DLC1: variants seen among roughly 807,000 people sequenced by gnomAD.
DLC1 encodes DLC1 Rho GTPase activating protein.
A neutral mutation model predicts 140.3 loss-of-function variants in DLC1; 54 were observed. That is an observed-to-expected ratio of 0.38 (90% CI 0.31 to 0.48). The LOEUF is 0.48. Among genes scored for constraint, DLC1 ranks in the 20% least tolerant of loss-of-function variants. The pLI, the probability that DLC1 is intolerant of heterozygous loss-of-function variation, is 0.96. For missense variants in DLC1, 2,536 were observed against 1,907.0 expected (o/e 1.33, Z -6.14); for synonymous variants, 986 against 728.1 (o/e 1.35, Z -5.70).
In DLC1 at chr8:13,454,328, T is replaced by A. The variant is rs377008072; in HGVS notation, c.1023+44721A>T. ...AATTGATTTTCTTGGTTGAAACATC[T>A]CTTAGGGGAAAAAAAAAGTTCCTGT... is the stretch of plus-strand genomic sequence containing the variant. On this transcript the variant is annotated intron_variant, in intron 2 of 17. Coordinates refer to ENST00000276297, the MANE Select transcript of DLC1 (RefSeq NM_182643.3). 7.2e-5 allele frequency among the ~76,000 whole-genome samples: 11 copies of A among 152,142 alleles called. 1 individual carries two copies. Among genetic ancestry groups the A allele is most frequent in the African/African-American group, 2.4e-4 (10 of 41,492 alleles).
At chr8:13,192,242 TGC>T (rs1411634916) in intron 5 of DLC1, among the ~76,000 whole-genome samples, 1 of 151,390 alleles carries the variant, frequency 6.6e-6, no homozygotes, top group African/African-American at 2.4e-5. Flanking sequence ...TGAGCCACTG[TGC>T]CCAGCCAGCC....
At chr8:13,419,904 C>G (rs1838237651) in intron 2 of DLC1, among the ~76,000 whole-genome samples, 1 of 152,244 alleles carries the variant, frequency 6.6e-6, no homozygotes, top group East Asian at 1.9e-4. Context: ...TGTTATTGGT[C>G]TATTGAGAGA....
chr8:13,534,728 T>C (rs1803213280), intron 1 of DLC1, among the ~76,000 whole-genome samples: 1 of 152,210 alleles, frequency 6.6e-6, no homozygotes, highest in Admixed American at 6.5e-5. Context: ...CTGAAGCCAC[T>C]ACCTTCTGAG....
intron 1 of DLC1, among the ~76,000 whole-genome samples, chr8:13,553,932 C>G (rs1209227764): frequency 2.0e-5 from 3 of 151,964 alleles, no homozygotes; most frequent in Non-Finnish European, 4.4e-5. Flanking sequence ...TACTCTTTGT[C>G]TGCGCCCTTT....
intron 2 of DLC1, among the ~76,000 whole-genome samples, chr8:13,446,739 G>A (rs1025826746): frequency 1.3e-5 from 2 of 152,074 alleles, no homozygotes; most frequent in African/African-American, 2.4e-5. Context: ...TCAGGAGTTC[G>A]AGACCAGCCT....
intron 1 of DLC1, among the ~76,000 whole-genome samples, chr8:13,550,339 TTG>T (rs1389099181): frequency 6.6e-6 from 1 of 152,150 alleles, no homozygotes; most frequent in Non-Finnish European, 1.5e-5. Context: ...TCTGTCATAA[TTG>T]TAAGTTTCCT....
chr8:13,318,095 A>C (rs573039666), intron 4 of DLC1, among the ~76,000 whole-genome samples: 1 of 152,100 alleles, frequency 6.6e-6, no homozygotes, highest in Non-Finnish European at 1.5e-5. Flanking sequence ...TGGTATGATC[A>C]TAGCTCACTG....
Position 13,149,019 on chromosome 8 carries a change from C to T in DLC1, c.1349-33362G>A, listed in dbSNP as rs1364484130. On this transcript the variant is annotated intron_variant, in intron 5 of 17. Transcript: ENST00000276297. The stretch of plus-strand genomic sequence containing the variant: ...GTGTTAGCCAGGACGGTCTCGATCT[C>T]CTGACCTCGTGATCTGCCCACCTCG... Among the ~76,000 whole-genome samples the T allele has an allele frequency of 3.3e-5, 5 of 152,228 alleles. No individual in the cohort carries two copies. The East Asian group carries it at 5.8e-4, about 18-fold the overall frequency.
chr8:13,207,226 G>A (rs772732366), intron 5 of DLC1, among the ~76,000 whole-genome samples: 66 of 152,020 alleles, frequency 4.3e-4, no homozygotes, highest in African/African-American at 1.2e-3. Context: ...TTCAAATTAC[G>A]TATTCAAAAT....
intron 5 of DLC1, among the ~76,000 whole-genome samples, chr8:13,231,686 T>A (rs1168627493): frequency 1.3e-5 from 2 of 152,182 alleles, no homozygotes; most frequent in Non-Finnish European, 2.9e-5. Context: ...ATTTAACAGA[T>A]GAGGAGACTG....
chr8:13,575,344 G>C (rs1442236626), intron 1 of DLC1, among the ~76,000 whole-genome samples: 1 of 152,148 alleles, frequency 6.6e-6, no homozygotes, highest in Admixed American at 6.5e-5. Flanking sequence ...ATGAGGGTTA[G>C]GAGGGGGGTA....
At chr8:13,432,482 A>T (rs921487472) in intron 2 of DLC1, among the ~76,000 whole-genome samples, 1 of 152,350 alleles carries the variant, frequency 6.6e-6, no homozygotes, top group Non-Finnish European at 1.5e-5. Flanking sequence ...TATAACTCAT[A>T]TACACATAAC....
At chr8:13,447,140 C>T (rs1273230827) in intron 2 of DLC1, among the ~76,000 whole-genome samples, 1 of 152,040 alleles carries the variant, frequency 6.6e-6, no homozygotes, top group East Asian at 1.9e-4. Context: ...TATGAGTCTC[C>T]ATTTATTAAC....
intron 2 of DLC1, among the ~76,000 whole-genome samples, chr8:13,455,498 T>A (rs1469064467): frequency 6.6e-6 from 1 of 152,100 alleles, no homozygotes; most frequent in Admixed American, 6.5e-5. Flanking sequence ...ATCCCCAGCT[T>A]CCATCTCAAG....
At chr8:13,137,008 T>A (rs1822612463) in intron 5 of DLC1, among the ~76,000 whole-genome samples, 4 of 152,228 alleles carry the variant, frequency 2.6e-5, no homozygotes, top group Admixed American at 1.3e-4. Context: ...CATTTATTAA[T>A]GTTAGCCACC....
intron 3 of DLC1, among the ~76,000 whole-genome samples, chr8:13,398,718 TG>T (rs1458613920): frequency 6.6e-6 from 1 of 152,076 alleles, no homozygotes. Context: ...CAATGGAATT[TG>T]AACCTAAGTG....
intron 5 of DLC1, among the ~76,000 whole-genome samples, chr8:13,187,972 CT>C (rs2117008892): frequency 6.6e-6 from 1 of 151,832 alleles, no homozygotes; most frequent in East Asian, 1.9e-4. Flanking sequence ...TTTCCTCCTT[CT>C]TTTTAATGGA....
intron 4 of DLC1, among the ~76,000 whole-genome samples, chr8:13,382,439 C>T (rs543902576): frequency 9.3e-4 from 117 of 126,094 alleles, no homozygotes; most frequent in African/African-American, 3.2e-3. Flanking sequence ...CCCCAGGGGG[C>T]GGAGCCTGCA....
chr8:13,348,862 A>C (rs1454973141), intron 4 of DLC1, among the ~76,000 whole-genome samples: 1 of 152,150 alleles, frequency 6.6e-6, no homozygotes, highest in East Asian at 1.9e-4. Context: ...CTGTATTCTC[A>C]ACCTTCTTGA....
Sources: gnomAD v4.1 joint callset for allele counts (sites outside exome capture counted in the v4.1 genomes callset) on GRCh38, gnomAD v4.1.1 for gene constraint, MANE v1.5 for transcripts, NCBI Gene and HGNC (gene_info 2026-07-23, HGNC 2026-07-21) for gene names.